Variants in CATSPERE observed in about 807,000 individuals in gnomAD.
The protein encoded by CATSPERE is catsper channel auxiliary subunit epsilon.
CATSPERE carries 93 observed loss-of-function variants against 114.1 expected under a neutral mutation model. The ratio of observed to expected loss-of-function variants is 0.81; its 90% CI spans 0.69 to 0.97. The LOEUF is 0.97. Ranked by LOEUF, CATSPERE falls within the 50% of genes least tolerant of loss-of-function variation. The pLI is 0.00. For synonymous variants in CATSPERE, 341 were observed against 384.1 expected, an observed-to-expected ratio of 0.89 and a Z score of 1.31; for missense variants, 1,058 against 1,131.6, an observed-to-expected ratio of 0.93 and a Z score of 0.93.
chr1:244,461,264 C>T, upstream of CATSPERE: 1 of 508,002 alleles, frequency 2.0e-6, no homozygotes, highest in Non-Finnish European at 3.1e-6. Flanking sequence ...GGCGCGCACG[C>T]GCACGCGCAC....
rs1252298566 is a variant in CATSPERE at position 244,609,381 on chromosome 1, C to T, written c.2404-859C>T. Among the ~76,000 whole-genome samples, 3 of 150,530 alleles carry T rather than the reference C, an allele frequency of 2.0e-5. No individual in the cohort carries two copies. The East Asian group carries it at 5.9e-4, about 29-fold the overall frequency. Reference sequence around the variant, plus strand: ...TCCTTTTTTTTTTTTTAGAGAGTCTCACTCTGTCGCCCGGTCTGGAGTGCA... The same window carrying T: ...TCCTTTTTTTTTTTTTAGAGAGTCTTACTCTGTCGCCCGGTCTGGAGTGCA... On this transcript the variant is annotated intron_variant, in intron 18 of 21. Coordinates refer to ENST00000366534, the MANE Select transcript of CATSPERE (RefSeq NM_001130957.2).
At chr1:244,579,411 T>C (rs1362583638) in intron 11 of CATSPERE, among the ~76,000 whole-genome samples, 1 of 152,222 alleles carries the variant, frequency 6.6e-6, no homozygotes, top group Non-Finnish European at 1.5e-5. Context: ...AATGATAAAA[T>C]AGACTAGTAT....
chr1:244,456,657 T>C (rs1666190556), upstream of CATSPERE, among the ~76,000 whole-genome samples: 1 of 152,208 alleles, frequency 6.6e-6, no homozygotes, highest in African/African-American at 2.4e-5. Flanking sequence ...AAAGTCAAAC[T>C]GTTCCTTTGA....
At chr1:244,534,353 A>T (rs111668127) in intron 8 of CATSPERE, among the ~76,000 whole-genome samples, 15 of 151,840 alleles carry the variant, frequency 9.9e-5, no homozygotes, top group Admixed American at 3.9e-4. Context: ...TAACCTTTCT[A>T]CCCCTATCTC....
At chr1:244,530,821 T>C (rs3124050) in intron 8 of CATSPERE, among the ~76,000 whole-genome samples, 19,602 of 152,232 alleles carry the variant, frequency 0.13, 2,205 homozygotes, top group African/African-American at 0.3. Flanking sequence ...TGTTTGCTCT[T>C]GGCATATAGA....
intron 5 of CATSPERE, among the ~76,000 whole-genome samples, chr1:244,484,289 C>A (rs1354886633): frequency 2.0e-5 from 3 of 152,160 alleles, no homozygotes; most frequent in East Asian, 1.9e-4. Context: ...CAATCCCAAT[C>A]AAAATCCCAG....
intron 5 of CATSPERE, among the ~76,000 whole-genome samples, chr1:244,489,517 C>T (rs1278709207): frequency 7.3e-5 from 9 of 123,628 alleles, no homozygotes; most frequent in African/African-American, 2.5e-4. Flanking sequence ...GTGCTAGCAG[C>T]TGAAGAGACA....
chr1:244,584,021 C>T (rs1229164563), intron 13 of CATSPERE, 82 bp downstream of exon 13: 6 of 1,024,250 alleles, frequency 5.9e-6, no homozygotes, highest in African/African-American at 3.2e-5. Flanking sequence ...ACAATACCTC[C>T]GTACAATACC....
intron 7 of CATSPERE, among the ~76,000 whole-genome samples, chr1:244,513,732 C>T (rs1676136542): frequency 6.6e-6 from 1 of 152,004 alleles, no homozygotes; most frequent in South Asian, 2.1e-4. Flanking sequence ...CTCAGGCCCT[C>T]AGATGGTGTG....
intron 7 of CATSPERE, among the ~76,000 whole-genome samples, chr1:244,509,471 C>T (rs1228786938): frequency 6.6e-6 from 1 of 152,048 alleles, no homozygotes; most frequent in East Asian, 1.9e-4. Flanking sequence ...TTGTTGGATT[C>T]ATTTTGCTAG....
At chr1:244,471,655 A>T (rs1668496353) in intron 2 of CATSPERE, among the ~76,000 whole-genome samples, 1 of 152,176 alleles carries the variant, frequency 6.6e-6, no homozygotes, top group African/African-American at 2.4e-5. Flanking sequence ...TTTTGGGGTC[A>T]GTTTTCTTTC....
chr1:244,595,877 G>A (rs1038631718), intron 17 of CATSPERE, among the ~76,000 whole-genome samples: 13 of 152,182 alleles, frequency 8.5e-5, no homozygotes, highest in African/African-American at 3.1e-4. Flanking sequence ...AGCTTGCAGT[G>A]AGCCGAGATG....
chr1:244,617,644 G>A lies in CATSPERE; in HGVS notation c.2606G>A (p.Gly869Glu). 4.5e-6 allele frequency: 7 copies of A among 1,544,414 alleles called. No homozygotes were observed. The highest frequency in any genetic ancestry group is 1.2e-5 in the South Asian group (1 of 82,096). Residue 869 changes from glycine (G) to glutamate (E), a missense_variant, in exon 20 of 22, where the codon GGA becomes GAA. By Grantham distance (98) the Gly-to-Glu change is moderately conservative (BLOSUM62 -2). This residue lies in a region of CATSPERE where 787 missense variants were observed against 905.6 expected (regional missense o/e 0.87). Transcript: ENST00000366534. ...ATATTTTGGCCCATGGGCCATTCTGGAATGTATGTATTTCGTGTGAAGATC... is the reference window on the plus strand; with the variant it reads ...ATATTTTGGCCCATGGGCCATTCTGAAATGTATGTATTTCGTGTGAAGATC... ...NHIFWPMGHS[G>E]MYVFRVKILD...
In CATSPERE at chr1:244,469,876, A is replaced by G. The variant is rs1378020112; in HGVS notation, c.114+5920A>G. Among the ~76,000 whole-genome samples, 7 of 152,300 alleles carry G rather than the reference A, an allele frequency of 4.6e-5. No homozygotes were observed. In the South Asian group the frequency reaches 1.2e-3, roughly 27 times the overall value. On this transcript the variant is annotated intron_variant, in intron 2 of 21. Coordinates refer to ENST00000366534, the MANE Select transcript of CATSPERE (RefSeq NM_001130957.2). The stretch of plus-strand genomic sequence containing the variant: ...TGACATAGGATAGGAATATACATCA[A>G]TGAGATAGAATTGAGAGTTCAGAAA...
At chr1:244,595,850 G>C (rs978681955) in intron 17 of CATSPERE, among the ~76,000 whole-genome samples, 1 of 152,090 alleles carries the variant, frequency 6.6e-6, no homozygotes, top group Non-Finnish European at 1.5e-5. Flanking sequence ...GGAGAATGGC[G>C]TGAACCCAGG....
chr1:244,602,817 G>C (rs1669450897), intron 17 of CATSPERE, among the ~76,000 whole-genome samples: 1 of 152,288 alleles, frequency 6.6e-6, no homozygotes, highest in South Asian at 2.1e-4. Context: ...GTCAGGTACG[G>C]TAAGATATAC....
At chr1:244,625,618 G>C (rs910941979) in intron 20 of CATSPERE, among the ~76,000 whole-genome samples, 1 of 147,038 alleles carries the variant, frequency 6.8e-6, no homozygotes, top group Non-Finnish European at 1.5e-5. Context: ...TAGTAGAGAC[G>C]GGGTTTCACC....
chr1:244,490,040 A>G (rs1259035842), intron 5 of CATSPERE, among the ~76,000 whole-genome samples: 1 of 152,182 alleles, frequency 6.6e-6, no homozygotes, highest in Non-Finnish European at 1.5e-5. Context: ...ATGTGTGAGG[A>G]TGAACAGGAG....
chr1:244,611,264 C>A (rs1339996704), intron 19 of CATSPERE, among the ~76,000 whole-genome samples: 1 of 151,952 alleles, frequency 6.6e-6, no homozygotes, highest in Non-Finnish European at 1.5e-5. Context: ...AGATCATATA[C>A]CTATTATAAA....
Sources: allele counts gnomAD v4.1 joint callset (sites outside exome capture counted in the v4.1 genomes callset), GRCh38; gene constraint gnomAD v4.1.1; regional missense constraint gnomAD v4.1.1; transcripts MANE v1.5; gene names NCBI Gene and HGNC (gene_info 2026-07-23, HGNC 2026-07-21).